Variants in SGCG observed in about 807,000 individuals in gnomAD.
SGCG encodes sarcoglycan gamma, also known as gamma-sarcoglycan.
SGCG carries 26 observed loss-of-function variants against 29.3 expected under a neutral mutation model. That is an observed-to-expected ratio of 0.89 (90% confidence interval 0.65 to 1.23). The LOEUF (loss-of-function observed/expected upper bound fraction) is 1.23, where lower values mean the gene tolerates loss of function less well. SGCG is among the 50% of genes most tolerant of loss of function. The probability of loss-of-function intolerance (pLI) is 0.00; values close to 1 mark genes in which losing one functional copy is unlikely to be tolerated. For missense variants in SGCG, 353 were observed against 356.0 expected (o/e 0.99, Z 0.07); for synonymous variants, 145 against 129.7 (o/e 1.12, Z -0.80).
chr13:23,263,106 A>G (rs1038129201), intron 4 of SGCG, among the ~76,000 whole-genome samples: 1 of 152,020 alleles, frequency 6.6e-6, no homozygotes, highest in African/African-American at 2.4e-5. Context: ...AGAAACAAGA[A>G]TAAACCAAAC....
intron 1 of SGCG, among the ~76,000 whole-genome samples, chr13:23,199,474 A>C (rs2137494264): frequency 6.6e-6 from 1 of 152,320 alleles, no homozygotes; most frequent in Middle Eastern, 3.4e-3. Context: ...AGCTGGTTAA[A>C]CCAGATAGCC....
At chr13:23,307,368 A>G (rs1882397588) in intron 6 of SGCG, among the ~76,000 whole-genome samples, 1 of 152,210 alleles carries the variant, frequency 6.6e-6, no homozygotes, top group Non-Finnish European at 1.5e-5. Context: ...AGATATTAGT[A>G]GTCTTTTTTT....
At chr13:23,268,846 A>G (rs1880745011) in intron 4 of SGCG, 1 of 151,676 alleles carries the variant, frequency 6.6e-6, no homozygotes, top group African/African-American at 2.4e-5. Flanking sequence ...TGAAATAAAC[A>G]GCATTGATGG....
chr13:23,314,753 T>G (rs1209441282), intron 6 of SGCG, among the ~76,000 whole-genome samples: 1 of 152,064 alleles, frequency 6.6e-6, no homozygotes, highest in East Asian at 1.9e-4. Context: ...CAGTAAAATT[T>G]TTAGGGGTCC....
intron 5 of SGCG, among the ~76,000 whole-genome samples, chr13:23,293,808 G>T (rs546814268): frequency 6.8e-6 from 1 of 148,140 alleles, no homozygotes; most frequent in Admixed American, 6.8e-5. Context: ...TTCAGCCTGG[G>T]TGACAGAGTG....
At chr13:23,269,144 A>G (rs966699567) in intron 4 of SGCG, 2 of 152,226 alleles carry the variant, frequency 1.3e-5, no homozygotes, top group African/African-American at 4.8e-5. Flanking sequence ...AAAGGGAAAT[A>G]GAATAAATTA....
At chr13:23,200,429 C>G (rs1388673904) in intron 1 of SGCG, among the ~76,000 whole-genome samples, 1 of 151,926 alleles carries the variant, frequency 6.6e-6, no homozygotes, top group Admixed American at 6.6e-5. Flanking sequence ...TTTCAAAAAA[C>G]AAACAAACAA....
At chr13:23,273,627 C>A (rs1427821562) in intron 4 of SGCG, among the ~76,000 whole-genome samples, 1 of 152,062 alleles carries the variant, frequency 6.6e-6, no homozygotes, top group African/African-American at 2.4e-5. Flanking sequence ...TGTATTTCAC[C>A]CAAAAGTTAT....
intron 4 of SGCG, among the ~76,000 whole-genome samples, chr13:23,277,829 G>A (rs1881146283): frequency 6.6e-6 from 1 of 151,504 alleles, no homozygotes; most frequent in Non-Finnish European, 1.5e-5. Flanking sequence ...CTCCCGAGTA[G>A]TTGGGACTAC....
intron 4 of SGCG, among the ~76,000 whole-genome samples, chr13:23,270,918 T>C (rs916762050): frequency 2.6e-5 from 4 of 152,154 alleles, no homozygotes; most frequent in African/African-American, 7.2e-5. Flanking sequence ...CTGAACATCA[T>C]TTACTTAAAA....
At chr13:23,196,157 T>C (rs1438085164) in intron 1 of SGCG, among the ~76,000 whole-genome samples, 2 of 152,126 alleles carry the variant, frequency 1.3e-5, no homozygotes, top group African/African-American at 2.4e-5. Context: ...AAAATACTAA[T>C]TTTGTAATAC....
chr13:23,201,268 T>C (rs1160349673), intron 1 of SGCG, among the ~76,000 whole-genome samples: 25 of 152,126 alleles, frequency 1.6e-4, no homozygotes, highest in Admixed American at 1.6e-3. Context: ...CAGTGTTATG[T>C]AAGGGTGAAC....
intron 2 of SGCG, among the ~76,000 whole-genome samples, chr13:23,213,500 A>T (rs1322777409): frequency 6.6e-6 from 1 of 152,146 alleles, no homozygotes; most frequent in Middle Eastern, 3.2e-3. Flanking sequence ...ATAAGAAAAG[A>T]TGACAATGTA....
chr13:23,317,674 T>C (rs9552922), intron 6 of SGCG, among the ~76,000 whole-genome samples: 53,524 of 152,072 alleles, frequency 0.35, 11,017 homozygotes, highest in Non-Finnish European at 0.45. Flanking sequence ...TATGTAATAG[T>C]ATTTGGGTTG....
chr13:23,298,088 GCTCACAC>G (rs200904585), intron 6 of SGCG, among the ~76,000 whole-genome samples: 9,279 of 150,570 alleles, frequency 0.062, 332 homozygotes, highest in South Asian at 0.1. Flanking sequence ...GGCCATGGTG[GCTCACAC>G]CTGTAATCCC....
At chr13:23,171,214 T>C in the SGCG span, among the ~76,000 whole-genome samples, 3 of 152,222 alleles carry the variant, frequency 2.0e-5, no homozygotes, top group Admixed American at 2.0e-4. Context: ...GGAATAATTA[T>C]AATAGCTAAC....
intron 1 of SGCG, among the ~76,000 whole-genome samples, chr13:23,191,922 A>C (rs1475319391): frequency 1.3e-5 from 2 of 152,104 alleles, no homozygotes; most frequent in East Asian, 3.9e-4. Context: ...GCGGTGGCTC[A>C]CGCCTGTAAT....
intron 6 of SGCG, among the ~76,000 whole-genome samples, chr13:23,317,336 A>G (rs1882854857): frequency 6.6e-6 from 1 of 152,212 alleles, no homozygotes; most frequent in South Asian, 2.1e-4. Context: ...AGCCCAATCC[A>G]GGCAGGGCTA....
intron 5 of SGCG, among the ~76,000 whole-genome samples, chr13:23,294,794 A>G (rs976837066): frequency 1.3e-5 from 2 of 152,148 alleles, no homozygotes; most frequent in African/African-American, 4.8e-5. Context: ...GGAAAATACT[A>G]CCTGCGTTGC....
Sources: allele counts gnomAD v4.1 joint callset (sites outside exome capture counted in the v4.1 genomes callset), GRCh38; gene constraint gnomAD v4.1.1; transcripts MANE v1.5; gene names NCBI Gene and HGNC (gene_info 2026-07-23, HGNC 2026-07-21).